Variants in PKLR observed in about 807,000 individuals in gnomAD.
The protein encoded by PKLR is pyruvate kinase PKLR.
In PKLR, 38 loss-of-function variants were observed where a neutral mutation model predicts 53.6. That is an observed-to-expected ratio of 0.71 (90% CI 0.55 to 0.93). The LOEUF (loss-of-function observed/expected upper bound fraction) is 0.93. PKLR is among the 40% of genes least tolerant of loss of function. PKLR has a pLI of 0.00. For missense variants in PKLR, 702 were observed against 787.3 expected (o/e 0.89, Z 1.30); for synonymous variants, 328 against 316.2 (o/e 1.04, Z -0.39).
upstream of PKLR, among the ~76,000 whole-genome samples, chr1:155,301,840 G>C (rs975257568): frequency 3.3e-5 from 5 of 152,036 alleles, no homozygotes; most frequent in Non-Finnish European, 5.9e-5. Context: ...AAGAAATGCA[G>C]AGTGCCTTCA....
chr1:155,291,819 C>G lies in PKLR; in HGVS notation c.1555G>C (p.Glu519Gln), dbSNP rs1674555327. 17 of 1,614,086 alleles carry G rather than the reference C, an allele frequency of 1.1e-5. No individual in the cohort carries two copies. The highest frequency in any genetic ancestry group is 1.4e-5 in the Non-Finnish European group (17 of 1,179,990). The change falls in exon 10 of 11, where the codon GAA becomes CAA. Residue 519 changes from glutamate to glutamine, a missense_variant. Physicochemically the swap from Glu to Gln is conservative, Grantham distance 29 (BLOSUM62 2). Coordinates refer to ENST00000342741, the MANE Select transcript of PKLR (RefSeq NM_000298.6). ...CRGVFPLLYR[E>Q]PPEAIWADDV... ...TCTGCCCAGATGGCTTCTGGAGGTT[C>G]ACGGTAAAGCAAGGGGAAGACTCCT...
At chr1:155,298,953 CCTTTCTTT>C (rs530027982) in intron 2 of PKLR, among the ~76,000 whole-genome samples, 5,629 of 103,830 alleles carry the variant, frequency 0.054, 176 homozygotes, top group Middle Eastern at 0.079. Flanking sequence ...AACTTTCACT[CCTTTCTTT>C]CTTTCTTTCT....
Position 155,295,588 on chromosome 1 carries a change from G to T in PKLR, c.376-20C>A, listed in dbSNP as rs372561238. The T allele has an allele frequency of 1.9e-6, 3 of 1,614,048 alleles. No individual in the cohort carries two copies. On this transcript the variant is annotated intron_variant, in intron 3 of 10. Transcript: ENST00000342741. The surrounding 1 kb of genome is among the most constrained non-coding windows in gnomAD (Gnocchi z 4.3). The stretch of plus-strand genomic sequence containing the variant: ...ATGGTACTGGGGGAGGGAGCGGAGC[G>T]AGGGTTTCAGGGGAAGGTGGCCAGG...
intron 1 of PKLR, chr1:155,301,023 A>G (rs1039388275): frequency 5.8e-6 from 9 of 1,548,188 alleles, no homozygotes; most frequent in East Asian, 2.4e-5. Context: ...CTCCTGTTCC[A>G]TTGGAAGCCC....
chr1:155,291,828 G>C lies in PKLR; in HGVS notation c.1546C>G (p.Leu516Val). 2 of 1,614,162 alleles carry C rather than the reference G, an allele frequency of 1.2e-6. No homozygotes were observed. The highest frequency in any genetic ancestry group is 8.5e-7 in the Non-Finnish European group (1 of 1,180,006). The change falls in exon 10 of 11, where the codon CTT becomes GTT. Residue 516 changes from leucine to valine, a missense_variant. By Grantham distance (32) the Leu-to-Val change is conservative (BLOSUM62 1). Transcript: ENST00000342741. ...VHLCRGVFPL[L>V]YREPPEAIWA... is the part of the protein sequence containing the mutation. ...ATGGCTTCTGGAGGTTCACGGTAAA[G>C]CAAGGGGAAGACTCCTCGGCATAAG... is the stretch of plus-strand genomic sequence containing the variant.
upstream of PKLR, among the ~76,000 whole-genome samples, chr1:155,303,596 T>C (rs1648144625): frequency 6.6e-6 from 1 of 152,100 alleles, no homozygotes; most frequent in Non-Finnish European, 1.5e-5. Context: ...CAGAAGCCAG[T>C]GGGAGAAGAG....
Position 155,295,085 on chromosome 1 carries a change from G to T in PKLR, c.694+31C>A. The stretch of plus-strand genomic sequence containing the variant: ...GAGAAGGGAATGTGCCCAGCGCACG[G>T]ATGTGGTCAGGGCGGGAGGCGCGTC... On this transcript the variant is annotated intron_variant, in intron 5 of 10. Coordinates refer to ENST00000342741, the MANE Select transcript of PKLR (RefSeq NM_000298.6). The surrounding 1 kb of genome is among the most constrained non-coding windows in gnomAD (Gnocchi z 4.3). The T allele has an allele frequency of 6.2e-7, 1 of 1,606,834 alleles. No individual in the cohort carries two copies. Among genetic ancestry groups the T allele is most frequent in the Non-Finnish European group, 8.5e-7 (1 of 1,174,192 alleles).
upstream of PKLR, among the ~76,000 whole-genome samples, chr1:155,306,371 G>A (rs911596716): frequency 2.6e-5 from 4 of 152,108 alleles, no homozygotes; most frequent in Non-Finnish European, 4.4e-5. The surrounding 1 kb of genome is among the most constrained non-coding windows in gnomAD (Gnocchi z 4.2). Context: ...CATATGGGCC[G>A]TGCCCCGACG....
chr1:155,300,850 A>G (rs1466690084), intron 1 of PKLR: 4 of 1,609,530 alleles, frequency 2.5e-6, no homozygotes, highest in Non-Finnish European at 3.4e-6. Context: ...GACCCATCCC[A>G]GTTCAGAGGA....
chr1:155,291,238 C>T (rs1674527699), intron 10 of PKLR, among the ~76,000 whole-genome samples: 1 of 152,014 alleles, frequency 6.6e-6, no homozygotes, highest in Admixed American at 6.6e-5. Context: ...TGGCTGACGC[C>T]TGTAATCCCA....
At chr1:155,294,774 G>C in intron 5 of PKLR, 22 bp from the exon 6 acceptor site, 2 of 1,613,552 alleles carry the variant, frequency 1.2e-6, no homozygotes, top group African/African-American at 2.7e-5. Flanking sequence ...GAAAGAGCCA[G>C]CTGCGGTCAG....
chr1:155,290,265 CTCA>C lies in PKLR; in HGVS notation c.*304_*306del, dbSNP rs1217066454. On this transcript the variant is annotated 3_prime_UTR_variant, in exon 11 of 11. Transcript: ENST00000342741. ...TAACCAGCCAAACTGGGATTAAAGA[CTCA>C]AGGCATCTTAGGGCCTGCTGAGCAG... 2 of 422,248 alleles carry C rather than the reference CTCA, an allele frequency of 4.7e-6. No individual in the cohort carries two copies. Among genetic ancestry groups the C allele is most frequent in the Non-Finnish European group, 4.4e-6 (1 of 228,232 alleles). 26.2% of individuals were successfully genotyped at this position (422,248 alleles called of 1,614,324 possible).
chr1:155,294,456 G>A (rs746393640), intron 6 of PKLR, 26 bp downstream of exon 6: 11 of 1,614,092 alleles, frequency 6.8e-6, no homozygotes, highest in East Asian at 2.2e-5. Flanking sequence ...CGACAGGGCC[G>A]AAGGGGAACA....
At chr1:155,299,324 G>A (rs1647845915) in intron 2 of PKLR, among the ~76,000 whole-genome samples, 1 of 151,220 alleles carries the variant, frequency 6.6e-6, no homozygotes, top group African/African-American at 2.4e-5. Context: ...CTGAGTAGCT[G>A]GGACTACAGG....
chr1:155,296,497 C>T (rs1314682602), intron 2 of PKLR, among the ~76,000 whole-genome samples: 1 of 152,024 alleles, frequency 6.6e-6, no homozygotes, highest in Admixed American at 6.5e-5. Flanking sequence ...TGTGCACCAC[C>T]ACGCCTGGCT....
At position 155,298,951 on chromosome 1, in the gene PKLR, C is replaced by CTCCT. The variant is rs1314586458; in HGVS notation, c.283+1143_283+1146dup. On this transcript the variant is annotated intron_variant, in intron 2 of 10. Transcript: ENST00000342741. ...AGCCACCATGCCCGGCCAACTTTCACTCCTTTCTTTCTTTCTTTCTTTCTT... is the reference window on the plus strand; with the variant it reads ...AGCCACCATGCCCGGCCAACTTTCACTCCTTCCTTTCTTTCTTTCTTTCTTTCTT... 5.5e-5 allele frequency among the ~76,000 whole-genome samples: 8 copies of CTCCT among 145,550 alleles called. No individual in the cohort carries two copies. In the East Asian group the frequency reaches 8.1e-4, roughly 15 times the overall value.
upstream of PKLR, among the ~76,000 whole-genome samples, chr1:155,302,465 G>C (rs946487526): frequency 2.6e-5 from 4 of 151,886 alleles, no homozygotes; most frequent in Admixed American, 2.0e-4. Flanking sequence ...TCGAACTCCT[G>C]ACCTCAGGTG....
the PKLR span, among the ~76,000 whole-genome samples, chr1:155,306,910 G>A: frequency 6.6e-6 from 1 of 152,152 alleles, no homozygotes; most frequent in African/African-American, 2.4e-5. This position sits in a 1 kb window ranked among gnomAD's most constrained non-coding sequence, Gnocchi z 4.2. Flanking sequence ...CCTTCGCGGT[G>A]AGTGTTACAG....
At chr1:155,299,222 C>T (rs1161935240) in intron 2 of PKLR, among the ~76,000 whole-genome samples, 2 of 141,792 alleles carry the variant, frequency 1.4e-5, no homozygotes, top group Non-Finnish European at 3.0e-5. Flanking sequence ...TCTAGGGTCT[C>T]GTCTGTCACC....
Sources: allele counts gnomAD v4.1 joint callset (sites outside exome capture counted in the v4.1 genomes callset), GRCh38; gene constraint gnomAD v4.1.1; non-coding constraint Gnocchi (gnomAD v3.1); transcripts MANE v1.5; gene names NCBI Gene and HGNC (gene_info 2026-07-23, HGNC 2026-07-21).